Variants in ACTN2 observed in about 807,000 individuals in gnomAD.
The protein encoded by ACTN2 is actinin alpha 2, also known as alpha-actinin-2.
Under a neutral mutation model 113.8 loss-of-function variants are expected in ACTN2, and 39 were observed. The observed-to-expected ratio is 0.34, with a 90% CI of 0.27 to 0.45. ACTN2 has a LOEUF of 0.45. ACTN2 is among the 20% of genes least tolerant of loss of function. ACTN2 has a pLI of 1.00. For synonymous variants in ACTN2, 429 were observed against 444.1 expected, an observed-to-expected ratio of 0.97 and a Z score of 0.43; for missense variants, 992 against 1,177.9, an observed-to-expected ratio of 0.84 and a Z score of 2.31.
At chr1:236,731,359 C>G (rs763025229) in intron 7 of ACTN2, 45 bp downstream of exon 7, 36 of 1,493,600 alleles carry the variant, frequency 2.4e-5, no homozygotes, top group Non-Finnish European at 3.3e-5. Context: ...AATTTGAAGA[C>G]TACAAATGTT....
At chr1:236,745,045 T>C (rs1267432328) in intron 12 of ACTN2, among the ~76,000 whole-genome samples, 1 of 152,086 alleles carries the variant, frequency 6.6e-6, no homozygotes, top group East Asian at 1.9e-4. Context: ...GTCTGGAATA[T>C]TGGGGCCCAG....
At chr1:236,709,245 T>TACAC (rs1558227402) in intron 1 of ACTN2, among the ~76,000 whole-genome samples, 4 of 81,302 alleles carry the variant, frequency 4.9e-5, no homozygotes, top group African/African-American at 1.7e-4. Context: ...TATATATATA[T>TACAC]ATATATATAT....
intron 1 of ACTN2, 46 bp from the exon 2 acceptor site, chr1:236,717,812 G>A: frequency 7.3e-7 from 1 of 1,374,706 alleles, no homozygotes; most frequent in Non-Finnish European, 1.0e-6. Flanking sequence ...GAAGGGATCT[G>A]AAATCCGATG....
At chr1:236,707,325 C>T (rs1002630075) in intron 1 of ACTN2, among the ~76,000 whole-genome samples, 2 of 152,186 alleles carry the variant, frequency 1.3e-5, no homozygotes, top group African/African-American at 4.8e-5. Context: ...CCTTCTTGCA[C>T]CCCTTTTCTT....
In ACTN2 at chr1:236,686,571, G is replaced by GCGCCCGCCGCCCGC. The variant is rs552471202; in HGVS notation, c.-91_-78dup. 3.0e-6 allele frequency: 4 copies of GCGCCCGCCGCCCGC among 1,311,804 alleles called. No homozygotes were observed. The African/African-American group carries it at 4.8e-5, about 16-fold the overall frequency. 81.3% of individuals were successfully genotyped at this position (1,311,804 alleles called of 1,614,324 possible). A position where few individuals can be genotyped will look rare whatever the true frequency, so the allele number is the denominator to read the frequency against. On this transcript the variant is annotated 5_prime_UTR_variant, in exon 1 of 21. Transcript: ENST00000366578. ...AGAGGAGCCGCGCGAAGGTCACCCC[G>GCGCCCGCCGCCCGC]CGCCCGCCGCCCGCCGCCCGCCGCC...
chr1:236,692,908 A>T (rs2102859196), intron 1 of ACTN2, among the ~76,000 whole-genome samples: 1 of 152,258 alleles, frequency 6.6e-6, no homozygotes, highest in African/African-American at 2.4e-5. Flanking sequence ...ACACCTACAG[A>T]AAAGGCGCAG....
intron 1 of ACTN2, among the ~76,000 whole-genome samples, chr1:236,709,307 C>G (rs555099054): frequency 1.1e-5 from 1 of 92,488 alleles, no homozygotes; most frequent in Admixed American, 1.3e-4. Flanking sequence ...TGTATATATA[C>G]GTATATATGT....
intron 1 of ACTN2, among the ~76,000 whole-genome samples, chr1:236,700,756 T>A (rs1332316509): frequency 1.3e-5 from 2 of 152,164 alleles, no homozygotes; most frequent in Non-Finnish European, 2.9e-5. Flanking sequence ...AGAACAGACA[T>A]TGAAAAGGTT....
At chr1:236,759,610 C>T (rs1572150787) in intron 18 of ACTN2, 114 bp from the exon 19 acceptor site, 5 of 854,230 alleles carry the variant, frequency 5.9e-6, no homozygotes, top group East Asian at 2.5e-5. Flanking sequence ...GTGACATTTA[C>T]GACCTTGGCA....
intron 1 of ACTN2, among the ~76,000 whole-genome samples, chr1:236,709,273 T>C (rs868328523): frequency 0.034 from 3,267 of 95,228 alleles, 153 homozygotes; most frequent in African/African-American, 0.09. Context: ...CACACACACA[T>C]ATATATGTAT....
At chr1:236,699,636 G>T (rs752305325) in intron 1 of ACTN2, among the ~76,000 whole-genome samples, 7 of 152,142 alleles carry the variant, frequency 4.6e-5, no homozygotes, top group African/African-American at 1.4e-4. Flanking sequence ...TACGGGTGCC[G>T]TGTCTTTATC....
At chr1:236,713,082 G>A (rs4659705) in intron 1 of ACTN2, among the ~76,000 whole-genome samples, 112,077 of 151,762 alleles carry the variant, frequency 0.74, 41,382 homozygotes, top group African/African-American at 0.78. Flanking sequence ...TTAATTATCC[G>A]GAAACAACCC....
rs1449856891 is a variant in ACTN2, at chr1:236,686,705, A to G, written c.32A>G (p.Asn11Ser). Residue 11 changes from asparagine (N) to serine (S), a missense_variant, in exon 1 of 21, where the codon AAC becomes AGC. Coordinates refer to ENST00000366578, the MANE Select transcript of ACTN2 (RefSeq NM_001103.4). MNQIEPGVQY[N>S]YVYDEDEYMI... is the part of the protein sequence containing the mutation. ...CAGATAGAGCCCGGCGTGCAGTACA[A>G]CTACGTGTACGACGAGGATGAGTAC... 1.9e-6 allele frequency: 3 copies of G among 1,567,068 alleles called. No homozygotes were observed. Among genetic ancestry groups the G allele is most frequent in the Non-Finnish European group, 2.6e-6 (3 of 1,156,630 alleles).
chr1:236,702,018 A>G lies in ACTN2; in HGVS notation c.126+15219A>G, dbSNP rs540287362. Among the ~76,000 whole-genome samples the G allele has an allele frequency of 2.6e-5, 4 of 152,244 alleles. No individual in the cohort carries two copies. In the East Asian group the frequency reaches 5.8e-4, roughly 22 times the overall value. Reference sequence around the variant, plus strand: ...CTGTAACTGGTATCTGCGTAACTGGATATTAAGGACTCTAAAGGATTTCTA... The same window carrying G: ...CTGTAACTGGTATCTGCGTAACTGGGTATTAAGGACTCTAAAGGATTTCTA... On this transcript the variant is annotated intron_variant, in intron 1 of 20. Coordinates refer to ENST00000366578, the MANE Select transcript of ACTN2 (RefSeq NM_001103.4).
At chr1:236,699,782 A>G (rs1479385356) in intron 1 of ACTN2, among the ~76,000 whole-genome samples, 2 of 152,208 alleles carry the variant, frequency 1.3e-5, no homozygotes, top group East Asian at 1.9e-4. Flanking sequence ...AATTTTAATC[A>G]TACCCCAAAG....
intron 1 of ACTN2, among the ~76,000 whole-genome samples, chr1:236,689,190 C>T (rs916493024): frequency 1.3e-5 from 2 of 151,750 alleles, no homozygotes; most frequent in African/African-American, 4.8e-5. Context: ...GAGTGTGTTA[C>T]ACAGAAGAGT....
At position 236,754,339 on chromosome 1, in the gene ACTN2, C is replaced by T. The variant is rs1312197190; in HGVS notation, c.1974+258C>T. On this transcript the variant is annotated intron_variant, in intron 16 of 20. Transcript: ENST00000366578. This position sits in a 1 kb window ranked among gnomAD's most constrained non-coding sequence, Gnocchi z 4.9. ...TCTTGCTGGGTTCTGTTTATTTTCT[C>T]ACTAAAAATGGTGACAGGGCTTTCT... Among the ~76,000 whole-genome samples, 2 of 152,174 alleles carry T rather than the reference C, an allele frequency of 1.3e-5. No individual in the cohort carries two copies. The highest frequency in any genetic ancestry group is 6.6e-5 in the Admixed American group (1 of 15,266).
At chr1:236,734,573 T>G in intron 7 of ACTN2, 3 of 1,340,692 alleles carry the variant, frequency 2.2e-6, no homozygotes, top group Non-Finnish European at 3.1e-6. Context: ...TGTCTTAATT[T>G]TTTTTCAATT....
intron 8 of ACTN2, 23 bp from the exon 9 acceptor site, chr1:236,737,099 T>C: frequency 6.3e-7 from 1 of 1,587,334 alleles, no homozygotes; most frequent in South Asian, 1.1e-5. Context: ...AGAGCCGTCC[T>C]GTTTACCTAT....
Sources: allele counts gnomAD v4.1 joint callset (sites outside exome capture counted in the v4.1 genomes callset), GRCh38; gene constraint gnomAD v4.1.1; non-coding constraint Gnocchi (gnomAD v3.1); transcripts MANE v1.5; gene names NCBI Gene and HGNC (gene_info 2026-07-23, HGNC 2026-07-21).